EVL: variants seen among roughly 807,000 people sequenced by gnomAD.
The protein encoded by EVL is ena/VASP-like protein.
Under a neutral mutation model 59.6 loss-of-function variants are expected in EVL, and 21 were observed. The observed-to-expected ratio is 0.35, with a 90% CI of 0.25 to 0.51. The LOEUF is 0.51. Among genes scored for constraint, EVL ranks in the 20% least tolerant of loss-of-function variants. The pLI, the probability that EVL is intolerant of heterozygous loss-of-function variation, is 0.97. For synonymous variants in EVL, 198 were observed against 203.5 expected, an observed-to-expected ratio of 0.97 and a Z score of 0.23; for missense variants, 462 against 546.6, an observed-to-expected ratio of 0.85 and a Z score of 1.54.
chr14:100,025,569 A>G (rs1441001049), intron 1 of EVL, among the ~76,000 whole-genome samples: 2 of 152,194 alleles, frequency 1.3e-5, no homozygotes, highest in African/African-American at 2.4e-5. Context: ...GTAGCTTTAA[A>G]TTTTATATTT....
Position 100,128,579 on chromosome 14 carries a change from G to A in EVL, c.548G>A (p.Gly183Glu). The change falls in exon 6 of 14, where the codon GGG becomes GAG. Residue 183 changes from glycine (G) to glutamate (E), a missense_variant. By Grantham distance (98) the Gly-to-Glu change is moderately conservative. Coordinates refer to ENST00000392920, the MANE Select transcript of EVL (RefSeq NM_016337.3). ...GCCAGCGCCCCCGTCTCATGTAGTG[G>A]GCCTCCACCGCCCCCCCCACCCCCA... ...SAASAPVSCSGPPPPPPPPVP... is the reference protein window; with the variant it reads ...SAASAPVSCSEPPPPPPPPVP... 6.2e-7 allele frequency: 1 copy of A among 1,602,306 alleles called. No homozygotes were observed. The highest frequency in any genetic ancestry group is 8.5e-7 in the Non-Finnish European group (1 of 1,173,224).
chr14:100,090,496 C>T (rs1180836728), intron 2 of EVL, among the ~76,000 whole-genome samples: 2 of 152,092 alleles, frequency 1.3e-5, no homozygotes, highest in East Asian at 3.8e-4. Flanking sequence ...AAAAACCTTA[C>T]AAGAAAAGAA....
intron 2 of EVL, among the ~76,000 whole-genome samples, chr14:100,093,293 C>T (rs1339542907): frequency 6.6e-6 from 1 of 152,220 alleles, no homozygotes; most frequent in Admixed American, 6.5e-5. Flanking sequence ...TGTAGAAATA[C>T]ATCTTCACAG....
intron 1 of EVL, chr14:99,974,677 G>A (rs2060757814): frequency 6.6e-6 from 1 of 152,642 alleles, no homozygotes; most frequent in Non-Finnish European, 1.5e-5. Context: ...GGGCTTGCCA[G>A]TGTTGTCTCC....
At chr14:99,983,651 C>T (rs2060822595) in intron 1 of EVL, among the ~76,000 whole-genome samples, 2 of 152,156 alleles carry the variant, frequency 1.3e-5, no homozygotes. Flanking sequence ...GTGTTTATTG[C>T]ACTTATCTTC....
At chr14:100,013,083 T>C (rs999456996) in intron 1 of EVL, among the ~76,000 whole-genome samples, 1 of 152,208 alleles carries the variant, frequency 6.6e-6, no homozygotes, top group Non-Finnish European at 1.5e-5. Context: ...GGCCTCACCT[T>C]CTAGCCATTC....
In EVL at chr14:100,040,736, G is replaced by A. The variant is rs118162871; in HGVS notation, c.6-43951G>A. Among the ~76,000 whole-genome samples the A allele has an allele frequency of 1.3e-3, 195 of 152,220 alleles. 1 individual carries two copies. Among genetic ancestry groups the A allele is most frequent in the South Asian group, 2.7e-3 (13 of 4,826 alleles). On this transcript the variant is annotated intron_variant, in intron 1 of 13. Coordinates refer to the EVL transcript ENST00000402714. ...CATGACCTTTATTGCCTGTGTTTTT[G>A]GTCTGTAAGTAGCTCTGAGAGCTTT...
intron 1 of EVL, among the ~76,000 whole-genome samples, chr14:99,999,197 G>A (rs532232058): frequency 4.1e-4 from 62 of 152,026 alleles, no homozygotes; most frequent in Non-Finnish European, 7.5e-4. Context: ...TGGATATTTA[G>A]TTTTTTGCTA....
chr14:100,095,650 T>C (rs1013118091), intron 2 of EVL, among the ~76,000 whole-genome samples: 1 of 152,216 alleles, frequency 6.6e-6, no homozygotes, highest in Non-Finnish European at 1.5e-5. Flanking sequence ...ACCCTGGAAC[T>C]TGTGTGTAGT....
intron 1 of EVL, chr14:99,975,267 CT>C (rs1466826505): frequency 4.6e-5 from 7 of 152,268 alleles, no homozygotes; most frequent in Non-Finnish European, 4.4e-5. Flanking sequence ...GTCTTTTTCT[CT>C]GGCTGTTTTT....
chr14:100,140,942 C>G, intron 11 of EVL: 1 of 477,618 alleles, frequency 2.1e-6, no homozygotes, highest in Non-Finnish European at 3.7e-6. Flanking sequence ...CTTTGTTGAC[C>G]CCAGCCAGCC....
chr14:99,972,044 G>T lies in EVL; in HGVS notation c.-9G>T, dbSNP rs1353131325. 1.1e-5 allele frequency: 3 copies of T among 264,864 alleles called. No homozygotes were observed. The highest frequency in any genetic ancestry group is 2.1e-5 in the Non-Finnish European group (3 of 141,000). 16.4% of individuals were successfully genotyped at this position (264,864 alleles called of 1,614,324 possible). ...CCCTGGCCCGGCGCGCCCGTCCCCG[G>T]CAGCGACAATGAGGTGAGTCGGGGC... On this transcript the variant is annotated 5_prime_UTR_variant, in exon 1 of 14. Coordinates refer to the EVL transcript ENST00000402714. The surrounding 1 kb of genome is among the most constrained non-coding windows in gnomAD (Gnocchi z 4.4).
rs112327534 is a variant in EVL at position 100,126,182 on chromosome 14, C to T, written c.423-525C>T. On this transcript the variant is annotated intron_variant, in intron 4 of 13. Transcript: ENST00000392920. ...GGATGTGAGTTCCCACTGCTGTGCA[C>T]GTAGCAGTGTGCCACGGTGCACCAA... 7.7e-3 allele frequency among the ~76,000 whole-genome samples: 1,176 copies of T among 152,348 alleles called. 17 individuals carry two copies. Among genetic ancestry groups the T allele is most frequent in the African/African-American group, 0.027 (1,126 of 41,590 alleles).
At chr14:99,983,746 C>T (rs2060823240) in intron 1 of EVL, among the ~76,000 whole-genome samples, 1 of 152,156 alleles carries the variant, frequency 6.6e-6, no homozygotes, top group Admixed American at 6.5e-5. Context: ...CTAGCTGCTT[C>T]CTTTTCCTCT....
At chr14:100,137,329 C>T (rs1173959022) in intron 9 of EVL, 7 of 556,246 alleles carry the variant, frequency 1.3e-5, no homozygotes, top group Admixed American at 6.2e-5. Flanking sequence ...CCAGCAGGCT[C>T]ACATTCCAGA....
Position 100,143,721 on chromosome 14 carries a change from G to A in EVL, c.1240G>A (p.Gly414Arg). The change falls in exon 14 of 14, where the codon GGG becomes AGG. Residue 414 changes from glycine (G) to arginine (R), a missense_variant. By Grantham distance (125) the Gly-to-Arg change is moderately radical (BLOSUM62 -2). Transcript: ENST00000392920. ...IIDAIRQELSGISTT is the reference protein window; with the variant it reads ...IIDAIRQELSRISTT ...CGCAGCCATCAGGCAGGAGCTGAGTGGGATCAGCACCACGTAAGGGGCCGG... is the reference window on the plus strand; with the variant it reads ...CGCAGCCATCAGGCAGGAGCTGAGTAGGATCAGCACCACGTAAGGGGCCGG... 1 of 1,612,454 alleles carries A rather than the reference G, an allele frequency of 6.2e-7. No individual in the cohort carries two copies. Among genetic ancestry groups the A allele is most frequent in the Non-Finnish European group, 8.5e-7 (1 of 1,179,928 alleles).
At chr14:100,123,643 A>G (rs1887842394) in intron 4 of EVL, 41 bp downstream of exon 4, 2 of 1,608,270 alleles carry the variant, frequency 1.2e-6, no homozygotes, top group African/African-American at 1.3e-5. Context: ...TCATCTCCCA[A>G]TCAGGCTGGG....
chr14:99,995,720 C>A (rs375364549), intron 1 of EVL, among the ~76,000 whole-genome samples: 1 of 152,274 alleles, frequency 6.6e-6, no homozygotes, highest in East Asian at 1.9e-4. Context: ...CCAGTCCTTA[C>A]AATCTGGCTT....
intron 13 of EVL, among the ~76,000 whole-genome samples, chr14:100,143,495 A>T (rs1387418602): frequency 6.6e-6 from 1 of 152,204 alleles, no homozygotes; most frequent in Non-Finnish European, 1.5e-5. Context: ...CAGTGGCAGC[A>T]GGGGCCGCCG....
Sources: gnomAD v4.1 joint callset for allele counts (sites outside exome capture counted in the v4.1 genomes callset) on GRCh38, gnomAD v4.1.1 for gene constraint, Gnocchi (gnomAD v3.1) non-coding constraint, MANE v1.5 for transcripts, NCBI Gene and HGNC (gene_info 2026-07-23, HGNC 2026-07-21) for gene names.